RUFY3: variants seen among roughly 807,000 people sequenced by gnomAD.
RUFY3 encodes the protein protein RUFY3.
RUFY3 carries 34 observed loss-of-function variants against 84.0 expected under a neutral mutation model. The ratio of observed to expected loss-of-function variants is 0.40; its 90% confidence interval spans 0.31 to 0.54. The LOEUF (loss-of-function observed/expected upper bound fraction) is 0.54. Ranked by LOEUF, RUFY3 falls within the 20% of genes least tolerant of loss-of-function variation. The pLI is 0.39. For synonymous variants in RUFY3, 242 were observed against 252.9 expected, an observed-to-expected ratio of 0.96 and a Z score of 0.41; for missense variants, 507 against 736.8, an observed-to-expected ratio of 0.69 and a Z score of 3.61.
intron 1 of RUFY3, among the ~76,000 whole-genome samples, chr4:70,725,093 C>G (rs1243162300): frequency 6.6e-6 from 1 of 152,144 alleles, no homozygotes; most frequent in African/African-American, 2.4e-5. Flanking sequence ...ATAATGTTCC[C>G]TCTTAAAATG....
At position 70,756,995 on chromosome 4, in the gene RUFY3, G is replaced by A. The variant is rs1261066964; in HGVS notation, c.179-5524G>A. Among the ~76,000 whole-genome samples the A allele has an allele frequency of 2.6e-5, 4 of 152,092 alleles. No homozygotes were observed. In the South Asian group the frequency reaches 8.3e-4, roughly 32 times the overall value. On this transcript the variant is annotated intron_variant, in intron 1 of 17. Transcript: ENST00000381006. ...AAAAAAAATTTTTTTAATTAGCTGGGCATGGCGACCCATGCCTGTAATCTC... is the reference window on the plus strand; with the variant it reads ...AAAAAAAATTTTTTTAATTAGCTGGACATGGCGACCCATGCCTGTAATCTC...
At chr4:70,774,405 T>TGACCTGAGGTCAGGCC (rs1727479595) in intron 6 of RUFY3, among the ~76,000 whole-genome samples, 1 of 150,774 alleles carries the variant, frequency 6.6e-6, no homozygotes, top group South Asian at 2.1e-4. Context: ...GGTCAGGAGT[T>TGACCTGAGGTCAGGCC]TGAGACCAGC....
chr4:70,713,475 C>G (rs1211970647), intron 1 of RUFY3, among the ~76,000 whole-genome samples: 1 of 152,108 alleles, frequency 6.6e-6, no homozygotes, highest in Non-Finnish European at 1.5e-5. Flanking sequence ...GGCATTCCCT[C>G]TCTTTGCAAA....
At chr4:70,765,960 AC>A (rs1725839579) in intron 4 of RUFY3, among the ~76,000 whole-genome samples, 2 of 151,968 alleles carry the variant, frequency 1.3e-5, no homozygotes, top group South Asian at 4.2e-4. Context: ...ACGGGGTTTC[AC>A]CGTGTTGGCC....
intron 7 of RUFY3, among the ~76,000 whole-genome samples, chr4:70,775,440 A>G (rs138321310): frequency 8.4e-4 from 127 of 151,324 alleles, no homozygotes; most frequent in African/African-American, 3.0e-3. Flanking sequence ...ATATAATGTT[A>G]TATATAATAT....
chr4:70,788,477 TATA>T (rs1730279767), intron 10 of RUFY3, among the ~76,000 whole-genome samples: 1 of 152,114 alleles, frequency 6.6e-6, no homozygotes, highest in East Asian at 1.9e-4. Flanking sequence ...GGTATATTTC[TATA>T]ATAAGATATG....
chr4:70,748,025 C>T (rs1037607563), intron 1 of RUFY3, among the ~76,000 whole-genome samples: 1 of 152,144 alleles, frequency 6.6e-6, no homozygotes, highest in East Asian at 1.9e-4. Context: ...CCTTCATTTC[C>T]TTTATCTTTT....
At chr4:70,792,224 T>C (rs1192670597) in intron 12 of RUFY3, 6 of 985,416 alleles carry the variant, frequency 6.1e-6, no homozygotes, top group African/African-American at 5.2e-5. Context: ...ATATTCTGCC[T>C]GGCCTGTCAT....
At chr4:70,798,827 G>T (rs1289387525) in intron 14 of RUFY3, among the ~76,000 whole-genome samples, 2 of 151,686 alleles carry the variant, frequency 1.3e-5, no homozygotes, top group Non-Finnish European at 2.9e-5. Context: ...AACAAAATTT[G>T]CCCAGGCAGG....
chr4:70,733,955 A>G (rs925746329), intron 1 of RUFY3, among the ~76,000 whole-genome samples: 1 of 152,202 alleles, frequency 6.6e-6, no homozygotes, highest in Admixed American at 6.5e-5. Context: ...CGGGTGTGCA[A>G]TCATCCATCC....
chr4:70,776,733 G>A (rs1164163939), intron 7 of RUFY3, among the ~76,000 whole-genome samples: 5 of 152,220 alleles, frequency 3.3e-5, no homozygotes, highest in African/African-American at 7.2e-5. Flanking sequence ...CCGAGATCGC[G>A]CCACTGCACT....
chr4:70,793,992 C>G, intron 13 of RUFY3, 88 bp downstream of exon 13: 1 of 1,458,708 alleles, frequency 6.9e-7, no homozygotes, highest in African/African-American at 1.4e-5. Flanking sequence ...GACTTCCAGC[C>G]AGGTTGGCTC....
chr4:70,808,005 C>T lies in RUFY3; in HGVS notation c.*1346C>T, dbSNP rs569537161. On this transcript the variant is annotated 3_prime_UTR_variant, in exon 18 of 18. Transcript: ENST00000381006. ...TCAGAATCCATGGGTGCTCAAGTCC[C>T]ATTATAGAGAATGGGTTATATGGTA... Among the ~76,000 whole-genome samples the T allele has an allele frequency of 8.6e-5, 13 of 152,046 alleles. No homozygotes were observed. The highest frequency in any genetic ancestry group is 1.6e-4 in the Non-Finnish European group (11 of 68,024).
chr4:70,795,267 C>CT (rs748567272), intron 14 of RUFY3, among the ~76,000 whole-genome samples: 8 of 152,128 alleles, frequency 5.3e-5, no homozygotes, highest in Non-Finnish European at 7.3e-5. Context: ...CTGAATTCCC[C>CT]TTTAACAGAA....
At chr4:70,760,340 T>G (rs920969372) in intron 1 of RUFY3, among the ~76,000 whole-genome samples, 13 of 152,234 alleles carry the variant, frequency 8.5e-5, no homozygotes, top group African/African-American at 3.1e-4. Flanking sequence ...CTCACTACGT[T>G]GGAATCAGCT....
chr4:70,756,581 C>A (rs1273563309), intron 1 of RUFY3, among the ~76,000 whole-genome samples: 4 of 152,144 alleles, frequency 2.6e-5, no homozygotes, highest in African/African-American at 9.7e-5. Context: ...TTCCTTCCAT[C>A]CTGTTCCCTT....
At chr4:70,804,864 G>A (rs1003865083) in intron 17 of RUFY3, among the ~76,000 whole-genome samples, 1 of 152,026 alleles carries the variant, frequency 6.6e-6, no homozygotes, top group African/African-American at 2.4e-5. Flanking sequence ...GGCGGAGGTT[G>A]CAGTGAGCCA....
At chr4:70,786,620 A>G (rs568402813) in intron 10 of RUFY3, among the ~76,000 whole-genome samples, 2 of 152,154 alleles carry the variant, frequency 1.3e-5, no homozygotes, top group Admixed American at 1.3e-4. Context: ...TTTGGTCATT[A>G]CACAATTTTT....
chr4:70,751,827 T>G (rs538679226), intron 1 of RUFY3, among the ~76,000 whole-genome samples: 1 of 152,256 alleles, frequency 6.6e-6, no homozygotes, highest in Admixed American at 6.5e-5. Context: ...CTGTGTTTCC[T>G]TCTAAGAGTT....
Sources: allele counts gnomAD v4.1 joint callset (sites outside exome capture counted in the v4.1 genomes callset), GRCh38; gene constraint gnomAD v4.1.1; transcripts MANE v1.5; gene names NCBI Gene and HGNC (gene_info 2026-07-23, HGNC 2026-07-21).